ARHGEF1: variants seen among roughly 807,000 people sequenced by gnomAD.
ARHGEF1 encodes the protein Rho guanine nucleotide exchange factor 1, also known as 115 kDa guanine nucleotide exchange factor.
Under a neutral mutation model 119.7 loss-of-function variants are expected in ARHGEF1, and 40 were observed. The observed-to-expected ratio is 0.33, with a 90% CI of 0.26 to 0.44. The LOEUF is 0.44. Among genes scored for constraint, ARHGEF1 ranks in the 20% least tolerant of loss-of-function variants. ARHGEF1 has a pLI of 1.00. For missense variants in ARHGEF1, 976 were observed against 1,268.3 expected (o/e 0.77, Z 3.50); for synonymous variants, 494 against 521.0 (o/e 0.95, Z 0.71).
At chr19:41,908,651 A>G, downstream of ARHGEF1, 4 of 1,231,570 alleles carry the variant, frequency 3.2e-6, no homozygotes, top group Non-Finnish European at 4.0e-6. The surrounding 1 kb of genome is among the most constrained non-coding windows in gnomAD (Gnocchi z 6.7). Flanking sequence ...CCAGCAGGCC[A>G]GGGGGCTTGG....
At chr19:41,884,695 C>T (rs782381120) in intron 1 of ARHGEF1, among the ~76,000 whole-genome samples, 17 of 152,160 alleles carry the variant, frequency 1.1e-4, no homozygotes, top group Non-Finnish European at 2.1e-4. Context: ...CTGCCAGCCC[C>T]CCATGGAGAA....
chr19:41,912,061 C>T (rs1291162059), downstream of ARHGEF1, among the ~76,000 whole-genome samples: 1 of 152,110 alleles, frequency 6.6e-6, no homozygotes, highest in Admixed American at 6.5e-5. Flanking sequence ...AAAGGCTCCT[C>T]ACCCCACTCA....
rs797029924 is a variant in ARHGEF1 at position 41,894,762 on chromosome 19, G to A, written c.877+101G>A. On this transcript the variant is annotated intron_variant, in intron 11 of 28. Transcript: ENST00000354532. The stretch of plus-strand genomic sequence containing the variant: ...AGGGAGGAGGGGCTGGGACCTGGAC[G>A]CCTGGTTCTGAGGGAGGAGGGGATG... 575 of 1,303,244 alleles carry A rather than the reference G, an allele frequency of 4.4e-4. 4 individuals are homozygous for A. The African/African-American group carries it at 0.032, about 72-fold the overall frequency. The allele number at this position is 1,303,244 out of a possible 1,614,324, so 80.7% of individuals were successfully genotyped here.
In ARHGEF1 at chr19:41,903,964, C is replaced by A; in HGVS notation, c.1918-71C>A. ...GTGGTCATCCCCGGCCACTGCCCTGCCCTTCCCCTCCCCACCAACCCCAAT... is the reference window on the plus strand; with the variant it reads ...GTGGTCATCCCCGGCCACTGCCCTGACCTTCCCCTCCCCACCAACCCCAAT... On this transcript the variant is annotated intron_variant, in intron 20 of 28. Coordinates refer to ENST00000354532, the MANE Select transcript of ARHGEF1 (RefSeq NM_004706.4). The surrounding 1 kb of genome is among the most constrained non-coding windows in gnomAD (Gnocchi z 4.2). 2 of 1,472,906 alleles carry A rather than the reference C, an allele frequency of 1.4e-6. No individual in the cohort carries two copies. The highest frequency in any genetic ancestry group is 9.5e-7 in the Non-Finnish European group (1 of 1,056,138). 91.2% of individuals were successfully genotyped at this position (1,472,906 alleles called of 1,614,324 possible). A position where few individuals can be genotyped will look rare whatever the true frequency, so the allele number is the denominator to read the frequency against.
At position 41,916,264 on chromosome 19, in the gene ARHGEF1, A is replaced by G. The variant is rs1002206079; in HGVS notation, c.1866-6828A>G. 2.2e-5 allele frequency among the ~76,000 whole-genome samples: 3 copies of G among 136,370 alleles called. No individual in the cohort carries two copies. The highest frequency in any genetic ancestry group is 1.1e-4 in the African/African-American group (3 of 26,856). The allele number at this position is 136,370 out of a possible 152,430, so 89.5% of individuals were successfully genotyped here. A position where few individuals can be genotyped will look rare whatever the true frequency, so the allele number is the denominator to read the frequency against. ...CACACCATCACATACCACACACTGC[A>G]TGAGCCCACATGTCAACAAAGTCAC... On this transcript the variant is annotated intron_variant, in intron 18 of 20. Transcript: ENST00000599589. This position sits in a 1 kb window ranked among gnomAD's most constrained non-coding sequence, Gnocchi z 5.4.
At chr19:41,899,769 C>T (rs1175411395) in intron 14 of ARHGEF1, among the ~76,000 whole-genome samples, 2 of 152,048 alleles carry the variant, frequency 1.3e-5, no homozygotes, top group South Asian at 2.1e-4. Context: ...GGATTACAGG[C>T]GTGAGCCACT....
chr19:41,897,706 C>A (rs2074534351), intron 13 of ARHGEF1: 4 of 432,438 alleles, frequency 9.2e-6, no homozygotes, highest in Non-Finnish European at 1.6e-5. Context: ...GTCACCCTTG[C>A]CCCGGTCCTG....
chr19:41,908,644 G>A (rs2074733443), downstream of ARHGEF1: 1 of 1,231,730 alleles, frequency 8.1e-7, no homozygotes, highest in Non-Finnish European at 1.0e-6. This position sits in a 1 kb window ranked among gnomAD's most constrained non-coding sequence, Gnocchi z 6.7. Context: ...TAAGGACCCA[G>A]CAGGCCAGGG....
At chr19:41,884,531 C>T (rs374479033) in intron 1 of ARHGEF1, 16 of 1,603,076 alleles carry the variant, frequency 1.0e-5, no homozygotes, top group African/African-American at 1.3e-5. Flanking sequence ...CAGACCCTGA[C>T]TCTGCACGTC....
intron 18 of ARHGEF1, among the ~76,000 whole-genome samples, chr19:41,914,788 A>C (rs1415633854): frequency 6.6e-5 from 1 of 15,114 alleles, no homozygotes; most frequent in Non-Finnish European, 1.2e-4. Context: ...CTCCCCTTCC[A>C]CCGTCTCTGT....
At chr19:41,894,913 A>G (rs1255037035) in intron 11 of ARHGEF1, among the ~76,000 whole-genome samples, 1 of 73,036 alleles carries the variant, frequency 1.4e-5, no homozygotes, top group Admixed American at 1.3e-4. Flanking sequence ...CCTGGCTCTG[A>G]GGGAGGAGGG....
intron 1 of ARHGEF1, 129 bp from the exon 2 acceptor site, chr19:41,887,935 A>G: frequency 9.3e-7 from 1 of 1,079,626 alleles, no homozygotes. Flanking sequence ...CAGAGGCCCC[A>G]TTGAGCTGCG....
chr19:41,886,193 TA>T (rs2074291696), intron 1 of ARHGEF1, among the ~76,000 whole-genome samples: 1 of 152,110 alleles, frequency 6.6e-6, no homozygotes, highest in Admixed American at 6.5e-5. Flanking sequence ...CCGAGAGGAT[TA>T]AATGAGTTAT....
chr19:41,928,659 C>G (rs1265842123), intron 1 of ARHGEF1: 2 of 214,924 alleles, frequency 9.3e-6, no homozygotes, highest in Non-Finnish European at 1.9e-5. Flanking sequence ...TCCTCAAACT[C>G]GGAAAATAAA....
rs565952649 is a variant in ARHGEF1, at chr19:41,898,037, G to A, written c.1122-405G>A. ...CAGCCTCGGGGCTAAGGGCCGGGGT[G>A]GGGGCCGCTCCCGGAGCGACGTGGA... On this transcript the variant is annotated intron_variant, in intron 13 of 28. Transcript: ENST00000354532. 3.7e-6 allele frequency: 5 copies of A among 1,339,100 alleles called. No individual in the cohort carries two copies. In the Admixed American group the frequency reaches 1.5e-4, roughly 39 times the overall value. The allele number at this position is 1,339,100 out of a possible 1,614,324, so 83.0% of individuals were successfully genotyped here.
At chr19:41,912,217 C>T (rs1019176621), downstream of ARHGEF1, among the ~76,000 whole-genome samples, 62 of 152,190 alleles carry the variant, frequency 4.1e-4, no homozygotes, top group African/African-American at 1.4e-3. Flanking sequence ...GACACATTCT[C>T]CCAGTGTGAC....
At chr19:41,895,247 T>C (rs894316686) in intron 11 of ARHGEF1, 102 bp from the exon 12 acceptor site, 71 of 1,436,186 alleles carry the variant, frequency 4.9e-5, no homozygotes, top group Non-Finnish European at 6.0e-5. Flanking sequence ...CTCCTTGTCA[T>C]GGTGGGGAAG....
chr19:41,919,377 C>A (rs563548540), upstream of ARHGEF1, among the ~76,000 whole-genome samples: 1 of 152,170 alleles, frequency 6.6e-6, no homozygotes, highest in African/African-American at 2.4e-5. Context: ...CAAACATACA[C>A]AATCAAACAT....
At chr19:41,885,493 A>G (rs1432684032) in intron 1 of ARHGEF1, among the ~76,000 whole-genome samples, 1 of 152,054 alleles carries the variant, frequency 6.6e-6, no homozygotes, top group Admixed American at 6.6e-5. Flanking sequence ...ACGAAGTCTC[A>G]CTTCTGTTAC....
Sources: allele counts gnomAD v4.1 joint callset (sites outside exome capture counted in the v4.1 genomes callset), GRCh38; gene constraint gnomAD v4.1.1; non-coding constraint Gnocchi (gnomAD v3.1); transcripts MANE v1.5; gene names NCBI Gene and HGNC (gene_info 2026-07-23, HGNC 2026-07-21).